Variants in TRIM37 observed in about 807,000 individuals in gnomAD.
TRIM37 encodes tripartite motif containing 37.
Under a neutral mutation model 129.8 loss-of-function variants are expected in TRIM37, and 80 were observed. The observed-to-expected ratio is 0.62, with a 90% CI of 0.51 to 0.74. The LOEUF is 0.74. Ranked by LOEUF, TRIM37 falls within the 30% of genes least tolerant of loss-of-function variation. The pLI, the probability that TRIM37 is intolerant of heterozygous loss-of-function variation, is 0.00. For missense variants in TRIM37, 1,054 were observed against 1,176.5 expected (o/e 0.90, Z 1.52); for synonymous variants, 389 against 387.1 (o/e 1.00, Z -0.06).
At chr17:59,094,892 T>C (rs1316922804) in intron 2 of TRIM37, among the ~76,000 whole-genome samples, 2 of 152,064 alleles carry the variant, frequency 1.3e-5, no homozygotes, top group Non-Finnish European at 2.9e-5. Flanking sequence ...AAGATAAAGT[T>C]GGGAAGTTTA....
intron 6 of TRIM37, among the ~76,000 whole-genome samples, chr17:59,080,873 G>A (rs964923500): frequency 6.6e-6 from 1 of 152,120 alleles, no homozygotes; most frequent in Non-Finnish European, 1.5e-5. Context: ...TTCTGCATAA[G>A]TGGTAATTCT....
chr17:59,085,991 T>C (rs1003259032), intron 4 of TRIM37, among the ~76,000 whole-genome samples: 1 of 151,972 alleles, frequency 6.6e-6, no homozygotes, highest in Non-Finnish European at 1.5e-5. Context: ...CTCAAACAGA[T>C]AGAAACAGAA....
At chr17:59,008,538 C>T (rs2034834867) in intron 22 of TRIM37, among the ~76,000 whole-genome samples, 1 of 152,140 alleles carries the variant, frequency 6.6e-6, no homozygotes, top group Non-Finnish European at 1.5e-5. Context: ...CTGTGCTGAC[C>T]AGCCATTTTA....
At chr17:58,972,410 G>A in the TRIM37 span, 40 of 971,768 alleles carry the variant, frequency 4.1e-5, no homozygotes, top group Non-Finnish European at 1.5e-5. Flanking sequence ...GAGTGCAATG[G>A]TGTGATCTTG....
chr17:58,981,947 C>CT (rs1196383023), downstream of TRIM37: 9 of 152,510 alleles, frequency 5.9e-5, no homozygotes, highest in Admixed American at 4.6e-4. Flanking sequence ...TATATTTTGT[C>CT]TTTTTTTAGT....
chr17:59,075,501 T>C, intron 8 of TRIM37, 146 bp downstream of exon 8: 1 of 598,674 alleles, frequency 1.7e-6, no homozygotes, highest in Non-Finnish European at 2.9e-6. Flanking sequence ...GAGGCGGAGT[T>C]TACAGTGAGC....
intron 9 of TRIM37, among the ~76,000 whole-genome samples, chr17:59,066,377 C>A (rs1270689018): frequency 2.0e-5 from 3 of 152,224 alleles, no homozygotes; most frequent in Non-Finnish European, 4.4e-5. Context: ...CATATTATTT[C>A]TTCTGCCATG....
chr17:58,996,469 CAAAAAAAAAA>C (rs776770215), downstream of TRIM37, among the ~76,000 whole-genome samples: 3 of 79,070 alleles, frequency 3.8e-5, no homozygotes, highest in African/African-American at 1.4e-4. Context: ...GAACCTGTCT[CAAAAAAAAAA>C]AAAAAAAAAT....
At chr17:59,031,843 G>C (rs1215990813) in intron 18 of TRIM37, 53 bp downstream of exon 18, 1 of 1,569,740 alleles carries the variant, frequency 6.4e-7, no homozygotes, top group Non-Finnish European at 8.8e-7. Flanking sequence ...AAATCCAAGA[G>C]TTCTTTTAGA....
intron 16 of TRIM37, among the ~76,000 whole-genome samples, chr17:59,043,784 A>G (rs757748512): frequency 6.6e-6 from 1 of 152,196 alleles, no homozygotes; most frequent in Non-Finnish European, 1.5e-5. Flanking sequence ...ACTGTCCCCA[A>G]CATCCAGTTA....
chr17:59,022,677 C>T (rs1003288055), intron 19 of TRIM37, among the ~76,000 whole-genome samples: 4 of 152,108 alleles, frequency 2.6e-5, no homozygotes, highest in Non-Finnish European at 5.9e-5. Context: ...TAATGTCTGG[C>T]ACACAGTTAA....
chr17:58,996,198 C>T (rs372861576), downstream of TRIM37, among the ~76,000 whole-genome samples: 2 of 152,058 alleles, frequency 1.3e-5, no homozygotes, highest in African/African-American at 4.8e-5. Context: ...GCTGGGCGGG[C>T]ACAGTGGCTC....
chr17:59,048,610 T>C (rs1201785796), intron 15 of TRIM37, among the ~76,000 whole-genome samples: 3 of 152,180 alleles, frequency 2.0e-5, no homozygotes, highest in African/African-American at 7.2e-5. Flanking sequence ...TTTTTCTTTT[T>C]CTTTGAGACA....
chr17:59,054,361 G>C (rs1447159908), intron 13 of TRIM37, among the ~76,000 whole-genome samples: 4 of 152,066 alleles, frequency 2.6e-5, no homozygotes, highest in Non-Finnish European at 5.9e-5. Context: ...GAGTGCACTG[G>C]TGAAATCTCG....
At position 59,046,641 on chromosome 17, in the gene TRIM37, A is replaced by G. The variant is rs1396829889; in HGVS notation, c.1667+1042T>C. ...AAGCTCCGCCTCCCGGGTTCACCCC[A>G]TTCTCCTGCCTCAGCCTACCAAGTA... On this transcript the variant is annotated intron_variant, in intron 16 of 23. Transcript: ENST00000262294. Among the ~76,000 whole-genome samples, 10 of 148,326 alleles carry G rather than the reference A, an allele frequency of 6.7e-5. No homozygotes were observed. The Admixed American group carries it at 6.8e-4, about 10-fold the overall frequency.
chr17:59,056,655 G>A (rs900489197), intron 13 of TRIM37, among the ~76,000 whole-genome samples: 28 of 143,208 alleles, frequency 2.0e-4, no homozygotes, highest in East Asian at 4.1e-4. Flanking sequence ...GCGTGAACCC[G>A]GGAGGCGGAG....
chr17:59,058,064 C>T (rs1382173023), intron 12 of TRIM37, among the ~76,000 whole-genome samples: 1 of 151,992 alleles, frequency 6.6e-6, no homozygotes, highest in Non-Finnish European at 1.5e-5. Flanking sequence ...GGTTTATCAC[C>T]TTGCAATTTT....
the TRIM37 span, among the ~76,000 whole-genome samples, chr17:58,968,221 A>G: frequency 2.6e-5 from 4 of 152,286 alleles, no homozygotes; most frequent in East Asian, 5.8e-4. Flanking sequence ...TATTCTATGG[A>G]CATTTATATT....
intron 2 of TRIM37, among the ~76,000 whole-genome samples, chr17:59,095,536 G>A (rs1036211255): frequency 2.0e-5 from 3 of 152,138 alleles, no homozygotes; most frequent in African/African-American, 7.2e-5. Flanking sequence ...AAAACAGGCA[G>A]TAAATAGGAA....
Sources: gnomAD v4.1 joint callset for allele counts (sites outside exome capture counted in the v4.1 genomes callset) on GRCh38, gnomAD v4.1.1 for gene constraint, MANE v1.5 for transcripts, NCBI Gene and HGNC (gene_info 2026-07-23, HGNC 2026-07-21) for gene names.